CNTNAP5: variants seen among roughly 807,000 people sequenced by gnomAD.
CNTNAP5 encodes contactin associated protein family member 5.
A neutral mutation model predicts 150.2 loss-of-function variants in CNTNAP5; 72 were observed. That is an observed-to-expected ratio of 0.48 (90% confidence interval 0.40 to 0.58). The LOEUF (loss-of-function observed/expected upper bound fraction) is 0.58. CNTNAP5 is among the 20% of genes least tolerant of loss of function. CNTNAP5 has a pLI of 0.00. For missense variants in CNTNAP5, 1,636 were observed against 1,626.2 expected, an observed-to-expected ratio of 1.01 and a Z score of -0.10; for synonymous variants, 672 against 619.8, an observed-to-expected ratio of 1.08 and a Z score of -1.25.
chr2:124,131,656 T>C (rs1036001031), intron 1 of CNTNAP5, among the ~76,000 whole-genome samples: 1 of 152,204 alleles, frequency 6.6e-6, no homozygotes, highest in African/African-American at 2.4e-5. Context: ...GTTTGCGTAG[T>C]GCAGCTGCAA....
Position 124,681,609 on chromosome 2 carries a change from G to T in CNTNAP5, c.2077+33651G>T, listed in dbSNP as rs146298756. On this transcript the variant is annotated intron_variant, in intron 13 of 23. Transcript: ENST00000682447. ...GACGGAGTTTCACACTGTCGCTCAG[G>T]CCGGAGTGCAGTGCTACGATCTCTG... 8.3e-3 allele frequency among the ~76,000 whole-genome samples: 1,264 copies of T among 152,242 alleles called. 17 individuals are homozygous for T. The highest frequency in any genetic ancestry group is 0.029 in the African/African-American group (1,220 of 41,550).
At chr2:124,492,630 GA>G (rs1388488737) in intron 7 of CNTNAP5, among the ~76,000 whole-genome samples, 1 of 152,108 alleles carries the variant, frequency 6.6e-6, no homozygotes, top group East Asian at 1.9e-4. Context: ...TTGGAAATTT[GA>G]TAGGGATTAT....
intron 19 of CNTNAP5, among the ~76,000 whole-genome samples, chr2:124,834,590 TG>T (rs1195180177): frequency 2.0e-5 from 3 of 152,062 alleles, no homozygotes; most frequent in Non-Finnish European, 4.4e-5. Context: ...AGACAGGGGC[TG>T]GTGTGGTGTG....
chr2:124,795,060 C>CTGTT (rs1220345301), intron 18 of CNTNAP5, among the ~76,000 whole-genome samples: 2 of 152,088 alleles, frequency 1.3e-5, no homozygotes, highest in Non-Finnish European at 2.9e-5. Flanking sequence ...ACTGGTCTTT[C>CTGTT]TGTTTGTTCT....
At chr2:124,850,012 C>T (rs1683123491) in intron 19 of CNTNAP5, among the ~76,000 whole-genome samples, 1 of 152,070 alleles carries the variant, frequency 6.6e-6, no homozygotes, top group South Asian at 2.1e-4. Flanking sequence ...AAATGTCCAA[C>T]CCAATTAAAC....
intron 6 of CNTNAP5, among the ~76,000 whole-genome samples, chr2:124,469,457 T>A (rs564153025): frequency 6.6e-6 from 1 of 152,226 alleles, no homozygotes; most frequent in Non-Finnish European, 1.5e-5. Context: ...ATATTTAAAA[T>A]AATAAAAATA....
intron 1 of CNTNAP5, among the ~76,000 whole-genome samples, chr2:124,177,622 G>C (rs1031050169): frequency 1.3e-5 from 2 of 152,114 alleles, no homozygotes; most frequent in African/African-American, 4.8e-5. Context: ...GAATGTATGA[G>C]CAATGCTGGG....
intron 2 of CNTNAP5, among the ~76,000 whole-genome samples, chr2:124,235,606 G>C (rs1686727672): frequency 6.6e-6 from 1 of 152,048 alleles, no homozygotes; most frequent in Admixed American, 6.6e-5. Flanking sequence ...CCCATAGATG[G>C]GCTTTCCTTT....
Position 124,446,768 on chromosome 2 carries a change from G to T in CNTNAP5, c.749G>T (p.Arg250Leu). ...LHLNLGDSKA[R>L]LSSSLPSATL... ...CTCTTCACAGGTGACAGCAAAGCGCGGCTCAGCAGCAGCTTGCCCTCTGCC... is the reference window on the plus strand; with the variant it reads ...CTCTTCACAGGTGACAGCAAAGCGCTGCTCAGCAGCAGCTTGCCCTCTGCC... Residue 250 changes from arginine to leucine, a missense_variant, in exon 6 of 24, where the codon CGG (arginine) becomes CTG (leucine). Transcript: ENST00000682447. 1 of 1,613,592 alleles carries T rather than the reference G, an allele frequency of 6.2e-7. No homozygotes were observed. The highest frequency in any genetic ancestry group is 1.1e-5 in the South Asian group (1 of 91,048).
intron 8 of CNTNAP5, among the ~76,000 whole-genome samples, chr2:124,513,924 T>C (rs1176816167): frequency 6.6e-6 from 1 of 152,188 alleles, no homozygotes; most frequent in Non-Finnish European, 1.5e-5. Context: ...CATTTGTAGC[T>C]AGCCACCATC....
At chr2:124,050,321 G>C (rs1394648072) in intron 1 of CNTNAP5, among the ~76,000 whole-genome samples, 1 of 151,952 alleles carries the variant, frequency 6.6e-6, no homozygotes, top group Non-Finnish European at 1.5e-5. Context: ...AACATTAGCT[G>C]GGTGTGGTGG....
intron 3 of CNTNAP5, among the ~76,000 whole-genome samples, chr2:124,367,325 T>A (rs1690401457): frequency 6.6e-6 from 1 of 152,132 alleles, no homozygotes; most frequent in African/African-American, 2.4e-5. Flanking sequence ...TCTGCAGGGC[T>A]GGGGAGGCCT....
At chr2:124,347,929 A>G (rs1199400994) in intron 3 of CNTNAP5, among the ~76,000 whole-genome samples, 1 of 151,068 alleles carries the variant, frequency 6.6e-6, no homozygotes, top group Non-Finnish European at 1.5e-5. Flanking sequence ...GGTTCACGCC[A>G]TTCTTCTGCC....
At chr2:124,355,966 A>G (rs548301300) in intron 3 of CNTNAP5, among the ~76,000 whole-genome samples, 1 of 152,246 alleles carries the variant, frequency 6.6e-6, no homozygotes, top group South Asian at 2.1e-4. Flanking sequence ...AATGGAAATG[A>G]TTCTACTTTT....
intron 4 of CNTNAP5, among the ~76,000 whole-genome samples, chr2:124,419,934 T>G (rs977231471): frequency 7.7e-6 from 1 of 130,066 alleles, no homozygotes; most frequent in African/African-American, 3.0e-5. Flanking sequence ...CTTTCTTTCT[T>G]TCTTTCTTTC....
intron 1 of CNTNAP5, among the ~76,000 whole-genome samples, chr2:124,051,558 A>G (rs1173396723): frequency 6.6e-6 from 1 of 152,236 alleles, no homozygotes; most frequent in Non-Finnish European, 1.5e-5. Flanking sequence ...CGTGATGCCA[A>G]GCCTAATTTC....
chr2:124,439,885 C>G (rs1692631574), intron 5 of CNTNAP5, among the ~76,000 whole-genome samples: 1 of 152,144 alleles, frequency 6.6e-6, no homozygotes. Flanking sequence ...GTTTTCCAAT[C>G]CATTAAATTC....
intron 10 of CNTNAP5, among the ~76,000 whole-genome samples, chr2:124,538,670 G>T (rs1440039970): frequency 2.0e-5 from 3 of 151,378 alleles, no homozygotes; most frequent in Non-Finnish European, 2.9e-5. Context: ...AGGAAAGAAA[G>T]AAAGGAAGGA....
chr2:124,600,767 GAAAGAGAGAGAA>G (rs1696969727), intron 11 of CNTNAP5, among the ~76,000 whole-genome samples: 1 of 110,552 alleles, frequency 9.0e-6, no homozygotes, highest in Non-Finnish European at 2.1e-5. Flanking sequence ...GAGAGAGAGA[GAAAGAGAGAGAA>G]AGAGAGAAGC....
Sources: gnomAD v4.1 joint callset for allele counts (sites outside exome capture counted in the v4.1 genomes callset) on GRCh38, gnomAD v4.1.1 for gene constraint, MANE v1.5 for transcripts, NCBI Gene and HGNC (gene_info 2026-07-23, HGNC 2026-07-21) for gene names.